N4BP2L2: variants seen among roughly 807,000 people sequenced by gnomAD.
N4BP2L2 encodes NEDD4 binding protein 2 like 2, also known as NEDD4-binding protein 2-like 2.
In N4BP2L2, 50 loss-of-function variants were observed where a neutral mutation model predicts 56.2. That is an observed-to-expected ratio of 0.89 (90% CI 0.71 to 1.13). The LOEUF (loss-of-function observed/expected upper bound fraction) is 1.13, where lower values mean the gene tolerates loss of function less well. Among genes scored for constraint, N4BP2L2 ranks in the 50% most tolerant of loss-of-function variants. N4BP2L2 has a pLI of 0.00. For synonymous variants in N4BP2L2, 203 were observed against 223.6 expected, an observed-to-expected ratio of 0.91 and a Z score of 0.82; for missense variants, 689 against 693.8, an observed-to-expected ratio of 0.99 and a Z score of 0.08.
chr13:32,433,743 G>A (rs2075103495), intron 9 of N4BP2L2, among the ~76,000 whole-genome samples: 1 of 151,596 alleles, frequency 6.6e-6, no homozygotes, highest in South Asian at 2.1e-4. Flanking sequence ...TAGCCAACAT[G>A]GTGAAACCCC....
At chr13:32,526,816 C>CTGTTTTTTTTT (rs2052988025) in intron 3 of N4BP2L2, 1 of 7,550 alleles carries the variant, frequency 1.3e-4, no homozygotes, top group Non-Finnish European at 3.4e-4. Context: ...CACTTTTTGT[C>CTGTTTTTTTTT]TGTTTTTTTT....
chr13:32,463,497 C>G (rs376372882), intron 6 of N4BP2L2, among the ~76,000 whole-genome samples: 2 of 151,992 alleles, frequency 1.3e-5, no homozygotes, highest in African/African-American at 4.8e-5. Context: ...AACCCCATCT[C>G]TACTAAAAAT....
intron 6 of N4BP2L2, among the ~76,000 whole-genome samples, chr13:32,465,801 G>A (rs2081118386): frequency 6.6e-6 from 1 of 151,986 alleles, no homozygotes; most frequent in Admixed American, 6.6e-5. Flanking sequence ...TTATAGGTGC[G>A]TACCACCACT....
chr13:32,537,237 T>C (rs1276649960), intron 1 of N4BP2L2, among the ~76,000 whole-genome samples: 1 of 151,806 alleles, frequency 6.6e-6, no homozygotes, highest in Non-Finnish European at 1.5e-5. Flanking sequence ...TCGTTGAATA[T>C]CCTTTTTGAA....
chr13:32,489,765 G>GAA (rs34893590), intron 6 of N4BP2L2, among the ~76,000 whole-genome samples: 239 of 137,836 alleles, frequency 1.7e-3, no homozygotes, highest in African/African-American at 2.5e-3. Flanking sequence ...TTCCCCTCCT[G>GAA]AAAAAAAAAA....
chr13:32,516,551 A>G (rs1448114635), exon 6 of N4BP2L2: 1 of 152,230 alleles, frequency 6.6e-6, no homozygotes, highest in Non-Finnish European at 1.5e-5. Context: ...GGAATAGCAA[A>G]AGGTTTTAAA....
chr13:32,530,186 A>G (rs2054304618), intron 2 of N4BP2L2, among the ~76,000 whole-genome samples: 1 of 152,206 alleles, frequency 6.6e-6, no homozygotes, highest in South Asian at 2.1e-4. Flanking sequence ...AATCTCTATA[A>G]AGAACATTTT....
rs369328452 is a variant in N4BP2L2 at position 32,434,248 on chromosome 13, C to CTTTT, written c.*22-1280_*22-1277dup. 3.0e-3 allele frequency among the ~76,000 whole-genome samples: 334 copies of CTTTT among 112,008 alleles called. 15 individuals are homozygous for CTTTT. Among genetic ancestry groups the CTTTT allele is most frequent in the African/African-American group, 0.011 (295 of 27,060 alleles). The allele number at this position is 112,008 out of a possible 152,430, so 73.5% of individuals were successfully genotyped here. On this transcript the variant is annotated intron_variant, in intron 9 of 9. Coordinates refer to the N4BP2L2 transcript ENST00000357505. ...TGTGCCACCACATTCAGCTAATTTT[C>CTTTT]TTTTTTTCTTTTTTTTTTTTTTGTA...
chr13:32,485,530 C>A (rs551799752), intron 6 of N4BP2L2, among the ~76,000 whole-genome samples: 1 of 152,152 alleles, frequency 6.6e-6, no homozygotes, highest in African/African-American at 2.4e-5. Context: ...AATATGGATG[C>A]AAAACCTCAA....
At chr13:32,500,811 C>A (rs2089854487) in intron 6 of N4BP2L2, among the ~76,000 whole-genome samples, 1 of 151,076 alleles carries the variant, frequency 6.6e-6, no homozygotes, top group Non-Finnish European at 1.5e-5. Flanking sequence ...CAACATGTGC[C>A]CTCTTCCCTT....
exon 6 of N4BP2L2, chr13:32,511,190 A>G (rs2048058575): frequency 6.6e-6 from 1 of 152,212 alleles, no homozygotes; most frequent in Non-Finnish European, 1.5e-5. Context: ...GGGGCCTAGC[A>G]CTGATGGGCA....
intron 6 of N4BP2L2, among the ~76,000 whole-genome samples, chr13:32,495,619 C>T (rs1026888639): frequency 2.6e-5 from 4 of 152,130 alleles, no homozygotes; most frequent in African/African-American, 9.7e-5. Flanking sequence ...GTCTCCTCTG[C>T]CAGAGCTGGC....
At chr13:32,466,329 G>T (rs752730515) in intron 6 of N4BP2L2, among the ~76,000 whole-genome samples, 9 of 152,196 alleles carry the variant, frequency 5.9e-5, no homozygotes, top group Non-Finnish European at 1.0e-4. Context: ...GACTTTGGGA[G>T]GCCGAGGCAG....
exon 6 of N4BP2L2, chr13:32,514,537 T>A (rs1465090728): frequency 1.3e-5 from 2 of 152,186 alleles, no homozygotes; most frequent in African/African-American, 4.8e-5. Context: ...ACATTATACC[T>A]GGCTGGGTGC....
chr13:32,531,194 A>G (rs1477613793), intron 2 of N4BP2L2, among the ~76,000 whole-genome samples: 1 of 152,190 alleles, frequency 6.6e-6, no homozygotes, highest in Non-Finnish European at 1.5e-5. Flanking sequence ...ACACTGAACC[A>G]AAGGCACCCA....
downstream of N4BP2L2, chr13:32,505,802 G>A (rs540472267): frequency 7.2e-5 from 11 of 152,074 alleles, no homozygotes; most frequent in African/African-American, 2.4e-4. Context: ...ATACCTCTAA[G>A]ATGACAGAAG....
intron 6 of N4BP2L2, among the ~76,000 whole-genome samples, chr13:32,451,005 C>T (rs1282744430): frequency 3.3e-5 from 5 of 151,776 alleles, no homozygotes; most frequent in Non-Finnish European, 7.4e-5. Context: ...TGTGAGCCAC[C>T]GCACCTGGCC....
intron 6 of N4BP2L2, among the ~76,000 whole-genome samples, chr13:32,470,438 G>T (rs2082087912): frequency 6.6e-6 from 1 of 152,198 alleles, no homozygotes; most frequent in Non-Finnish European, 1.5e-5. Context: ...GTAGACATAA[G>T]CCCTATGGGT....
intron 6 of N4BP2L2, among the ~76,000 whole-genome samples, chr13:32,459,356 T>C (rs911054073): frequency 6.6e-6 from 1 of 152,114 alleles, no homozygotes; most frequent in East Asian, 1.9e-4. Flanking sequence ...AGTGTTTTTT[T>C]TGAGATGATA....
Sources: allele counts gnomAD v4.1 joint callset (sites outside exome capture counted in the v4.1 genomes callset), GRCh38; gene constraint gnomAD v4.1.1; transcripts MANE v1.5; gene names NCBI Gene and HGNC (gene_info 2026-07-23, HGNC 2026-07-21).